ADGRA2: variants seen among roughly 807,000 people sequenced by gnomAD.
The protein encoded by ADGRA2 is G-protein coupled receptor 124.
In ADGRA2, 61 loss-of-function variants were observed where a neutral mutation model predicts 98.7. That is an observed-to-expected ratio of 0.62 (90% CI 0.50 to 0.76). The LOEUF is 0.76. Ranked by LOEUF, ADGRA2 falls within the 30% of genes least tolerant of loss-of-function variation. ADGRA2 has a pLI of 0.00. For missense variants in ADGRA2, 1,712 were observed against 1,860.0 expected (o/e 0.92, Z 1.46); for synonymous variants, 858 against 831.5 (o/e 1.03, Z -0.55).
In ADGRA2 at chr8:37,844,372, T is replaced by A; in HGVS notation, c.*2017T>A. ...GTCCAACTAATGGCAGAGCCCCTCT[T>A]GGTTCCTTCAAACAAGAAAAGCAAT... On this transcript the variant is annotated 3_prime_UTR_variant, in exon 19 of 19. Transcript: ENST00000412232. 7.3e-7 allele frequency: 1 copy of A among 1,374,752 alleles called. No individual in the cohort carries two copies. Among genetic ancestry groups the A allele is most frequent in the Non-Finnish European group, 1.0e-6 (1 of 1,000,700 alleles). 85.2% of individuals were successfully genotyped at this position (1,374,752 alleles called of 1,614,324 possible). A position where few individuals can be genotyped will look rare whatever the true frequency, so the allele number is the denominator to read the frequency against.
At chr8:37,836,097 A>AC (rs1554526532) in intron 13 of ADGRA2, among the ~76,000 whole-genome samples, 1 of 108,636 alleles carries the variant, frequency 9.2e-6, no homozygotes, top group African/African-American at 3.7e-5. Flanking sequence ...ACACACACAC[A>AC]CCCCACAGGC....
In ADGRA2 at chr8:37,844,461, C is replaced by T. The variant is rs1461748180; in HGVS notation, c.*2106C>T. ...CAGGAATGTTATCAAGCTGTCAGAA[C>T]AGGATGAAGTGCTCCCAGTGGATAT... is the stretch of plus-strand genomic sequence containing the variant. On this transcript the variant is annotated 3_prime_UTR_variant, in exon 19 of 19. Coordinates refer to ENST00000412232, the MANE Select transcript of ADGRA2 (RefSeq NM_032777.10). 6.2e-7 allele frequency: 1 copy of T among 1,603,510 alleles called. No homozygotes were observed.
At position 37,842,815 on chromosome 8, in the gene ADGRA2, T is replaced by G; in HGVS notation, c.*460T>G. 1.3e-5 allele frequency: 2 copies of G among 157,214 alleles called. No individual in the cohort carries two copies. The highest frequency in any genetic ancestry group is 2.8e-5 in the Non-Finnish European group (2 of 71,304). 9.7% of individuals were successfully genotyped at this position (157,214 alleles called of 1,614,324 possible). The stretch of plus-strand genomic sequence containing the variant: ...CCCCTGCCTAGATCCTAGGTCCCTT[T>G]TCCTCCCGAGTTTGGCTGGCACGAG... On this transcript the variant is annotated 3_prime_UTR_variant, in exon 19 of 19. Transcript: ENST00000412232.
rs1379802397 is a variant in ADGRA2 at position 37,841,486 on chromosome 8, T to G, written c.3148T>G (p.Cys1050Gly). ...CCAGCGCTGGCTGCCCCGGGTGGTG[T>G]GCAGCTGCTTGTACGGGGTGGCAGC... The part of the protein sequence containing the change: ...VSQRWLPRVV[C>G]SCLYGVAASA... The change falls in exon 19 of 19, where the codon TGC (cysteine) becomes GGC (glycine). Residue 1050 changes from cysteine (C) to glycine (G), a missense_variant. Coordinates refer to ENST00000412232, the MANE Select transcript of ADGRA2 (RefSeq NM_032777.10). This position sits in a 1 kb window ranked among gnomAD's most constrained non-coding sequence, Gnocchi z 5.0. 1 of 1,612,956 alleles carries G rather than the reference T, an allele frequency of 6.2e-7. No individual in the cohort carries two copies. The highest frequency in any genetic ancestry group is 8.5e-7 in the Non-Finnish European group (1 of 1,179,838).
At chr8:37,817,972 CCATTGTACT>C (rs547464405) in intron 2 of ADGRA2, among the ~76,000 whole-genome samples, 67 of 152,204 alleles carry the variant, frequency 4.4e-4, no homozygotes, top group African/African-American at 1.6e-3. Context: ...TGAGATCACG[CCATTGTACT>C]CATTGTACTC....
At chr8:37,839,451 C>T in intron 15 of ADGRA2, 48 bp from the exon 16 acceptor site, 1 of 1,609,666 alleles carries the variant, frequency 6.2e-7, no homozygotes, top group African/African-American at 1.3e-5. Flanking sequence ...ACCCCATGGG[C>T]CTGACCTTGG....
At chr8:37,826,311 G>T (rs1323022331) in intron 2 of ADGRA2, among the ~76,000 whole-genome samples, 3 of 152,198 alleles carry the variant, frequency 2.0e-5, no homozygotes. Context: ...GGCAGGCAGT[G>T]AGGATGGGGT....
chr8:37,839,450 G>T (rs1462527737), intron 15 of ADGRA2, 49 bp from the exon 16 acceptor site: 1 of 1,609,724 alleles, frequency 6.2e-7, no homozygotes, highest in South Asian at 1.1e-5. Context: ...GACCCCATGG[G>T]CCTGACCTTG....
intron 3 of ADGRA2, 46 bp downstream of exon 3, chr8:37,829,005 G>C (rs762117087): frequency 7.2e-7 from 1 of 1,386,400 alleles, no homozygotes; most frequent in Admixed American, 2.2e-5. Flanking sequence ...CCTCCCGAGG[G>C]AGAAAGTCAC....
intron 12 of ADGRA2, 59 bp from the exon 13 acceptor site, chr8:37,835,495 C>G: frequency 6.7e-7 from 1 of 1,492,610 alleles, no homozygotes. Flanking sequence ...GAGGGGGCTG[C>G]AAGACATCAG....
intron 1 of ADGRA2, among the ~76,000 whole-genome samples, chr8:37,806,520 C>CTTTTTTTTTTTTTTTTT (rs1184569639): frequency 1.2e-5 from 1 of 85,496 alleles, no homozygotes; most frequent in Admixed American, 1.1e-4. Flanking sequence ...TTTCTTTTTT[C>CTTTTTTTTTTTTTTTTT]TTTTTCTTTT....
At chr8:37,804,696 C>T (rs948954137) in intron 1 of ADGRA2, among the ~76,000 whole-genome samples, 2 of 152,222 alleles carry the variant, frequency 1.3e-5, no homozygotes, top group South Asian at 4.1e-4. Flanking sequence ...CCACATTAAA[C>T]AGCTCTGCAG....
rs7010546 is a variant in ADGRA2 at position 37,841,998 on chromosome 8, C to T, written c.3660C>T (p.Gly1220=). ...TGGAGCTGCTGTCCAGCGAGAGCGG[C>T]AGTCTGCACAACAGCCCCACCGACA... ...GALELLSSES[G]SLHNSPTDSY... is the part of the protein sequence containing the mutation. Residue 1220 remains glycine, a synonymous_variant, in exon 19 of 19, where the codon GGC becomes GGT. Coordinates refer to ENST00000412232, the MANE Select transcript of ADGRA2 (RefSeq NM_032777.10). This position sits in a 1 kb window ranked among gnomAD's most constrained non-coding sequence, Gnocchi z 5.0. 0.41 allele frequency: 616,322 copies of T among 1,510,960 alleles called. 129,710 individuals carry two copies. The highest frequency in any genetic ancestry group is 0.72 in the East Asian group (27,692 of 38,578). The allele number at this position is 1,510,960 out of a possible 1,614,324, so 93.6% of individuals were successfully genotyped here.
Position 37,831,196 on chromosome 8 carries a change from T to A in ADGRA2, c.933-227T>A, listed in dbSNP as rs117535277. 2.1e-3 allele frequency among the ~76,000 whole-genome samples: 315 copies of A among 152,286 alleles called. 2 individuals are homozygous for A. The highest frequency in any genetic ancestry group is 3.4e-3 in the Non-Finnish European group (230 of 68,014). ...ATGGCACCAGATTTAATCTCTACAG[T>A]AGACCTGCAAGAGAGATATTATTGG... On this transcript the variant is annotated intron_variant, in intron 7 of 18. Coordinates refer to ENST00000412232, the MANE Select transcript of ADGRA2 (RefSeq NM_032777.10).
At chr8:37,831,287 AG>A (rs1332651644) in intron 7 of ADGRA2, 135 bp from the exon 8 acceptor site, 1 of 751,032 alleles carries the variant, frequency 1.3e-6, no homozygotes, top group African/African-American at 1.7e-5. Flanking sequence ...TCAGAATAAA[AG>A]GAGTGCATAC....
intron 1 of ADGRA2, among the ~76,000 whole-genome samples, chr8:37,810,813 T>G (rs1026685063): frequency 1.3e-5 from 2 of 151,970 alleles, no homozygotes; most frequent in Non-Finnish European, 2.9e-5. Flanking sequence ...TAACATATGT[T>G]CTCAAAATGA....
chr8:37,830,949 G>T lies in ADGRA2; in HGVS notation c.932+26G>T. The T allele has an allele frequency of 6.5e-7, 1 of 1,528,174 alleles. No individual in the cohort carries two copies. Among genetic ancestry groups the T allele is most frequent in the East Asian group, 2.4e-5 (1 of 41,208 alleles). The allele number at this position is 1,528,174 out of a possible 1,614,324, so 94.7% of individuals were successfully genotyped here. A position where few individuals can be genotyped will look rare whatever the true frequency, so the allele number is the denominator to read the frequency against. On this transcript the variant is annotated intron_variant, in intron 7 of 18. Coordinates refer to ENST00000412232, the MANE Select transcript of ADGRA2 (RefSeq NM_032777.10). The surrounding 1 kb of genome is among the most constrained non-coding windows in gnomAD (Gnocchi z 4.8). The stretch of plus-strand genomic sequence containing the variant: ...GTATGAGCCCCGCTGCCCCTCCTCA[G>T]GCCTCAGCATGGGGTTAGGGGACCT...
chr8:37,799,603 C>T (rs747089113), intron 1 of ADGRA2, among the ~76,000 whole-genome samples: 9 of 152,140 alleles, frequency 5.9e-5, no homozygotes, highest in Non-Finnish European at 1.3e-4. Context: ...CCTATCCACG[C>T]CACTCCACAG....
In ADGRA2 at chr8:37,839,136, C is replaced by T. The variant is rs971687653; in HGVS notation, c.2387+53C>T. ...TGGTGGGCAGGCATGGAAGGGGCCC[C>T]TACCCTGTCCACTTCCCGTCCTATG... On this transcript the variant is annotated intron_variant, in intron 15 of 18. Transcript: ENST00000412232. 31 of 1,602,744 alleles carry T rather than the reference C, an allele frequency of 1.9e-5. No homozygotes were observed. The South Asian group carries it at 3.4e-4, about 18-fold the overall frequency.
Sources: allele counts gnomAD v4.1 joint callset (sites outside exome capture counted in the v4.1 genomes callset), GRCh38; gene constraint gnomAD v4.1.1; non-coding constraint Gnocchi (gnomAD v3.1); transcripts MANE v1.5; gene names NCBI Gene and HGNC (gene_info 2026-07-23, HGNC 2026-07-21).